Variants in RSRP1 observed in about 807,000 individuals in gnomAD.
The protein encoded by RSRP1 is arginine/serine-rich protein 1.
In RSRP1, 37 loss-of-function variants were observed where a neutral mutation model predicts 33.0. That is an observed-to-expected ratio of 1.12 (90% CI 0.86 to 1.48). The LOEUF is 1.48. RSRP1 is among the 40% of genes most tolerant of loss of function. RSRP1 has a pLI of 0.00. For synonymous variants in RSRP1, 167 were observed against 158.7 expected (o/e 1.05, Z -0.40); for missense variants, 402 against 385.3 (o/e 1.04, Z -0.36).
At chr1:25,261,608 G>A (rs1304279770) in intron 1 of RSRP1, among the ~76,000 whole-genome samples, 3 of 150,670 alleles carry the variant, frequency 2.0e-5, no homozygotes, top group Admixed American at 6.6e-5. Flanking sequence ...GTTTCACCAT[G>A]TTAGCCAGGA....
intron 1 of RSRP1, among the ~76,000 whole-genome samples, chr1:25,302,546 G>T (rs535234667): frequency 7.7e-6 from 1 of 130,110 alleles, no homozygotes; most frequent in Admixed American, 7.5e-5. Context: ...GGGAAGCCCA[G>T]AGGCTAATCC....
In RSRP1 at chr1:25,277,449, C is replaced by G. The variant is rs1377161878; in HGVS notation, c.-66-30420G>C. ...AGCTCTGGGCCTGGGGCCCAGCAGT[C>G]TGTGTTTTCACAAGCCCTCTTGGTG... On this transcript the variant is annotated intron_variant, in intron 1 of 1. Transcript: ENST00000561867. Among the ~76,000 whole-genome samples, 4 of 133,448 alleles carry G rather than the reference C, an allele frequency of 3.0e-5. No homozygotes were observed. In the East Asian group the frequency reaches 7.8e-4, roughly 26 times the overall value. 87.5% of individuals were successfully genotyped at this position (133,448 alleles called of 152,430 possible).
intron 1 of RSRP1, among the ~76,000 whole-genome samples, chr1:25,262,479 A>G (rs1640189490): frequency 6.6e-6 from 1 of 152,224 alleles, no homozygotes; most frequent in African/African-American, 2.4e-5. Context: ...TTCGCCAAAG[A>G]GACACAGCCA....
chr1:25,329,237 G>GGTTTTT, intron 1 of RSRP1: 1 of 232,394 alleles, frequency 4.3e-6, no homozygotes, highest in South Asian at 3.1e-5. Context: ...ATTATTCCTT[G>GGTTTTT]TTTTTTTTTT....
chr1:25,250,129 A>T (rs374871834), upstream of RSRP1, among the ~76,000 whole-genome samples: 16 of 152,324 alleles, frequency 1.1e-4, no homozygotes, highest in Admixed American at 2.6e-4. Context: ...AGAATAGGCA[A>T]AAAGTTAAAA....
chr1:25,244,779 G>A (rs994192939), intron 3 of RSRP1: 66 of 1,012,124 alleles, frequency 6.5e-5, no homozygotes, highest in Middle Eastern at 8.8e-4. Context: ...TAGCATCCTA[G>A]GCTCAAAGAT....
rs550148687 is a variant in RSRP1 at position 25,283,143 on chromosome 1, T to C, written c.-66-36114A>G. On this transcript the variant is annotated intron_variant, in intron 1 of 1. Coordinates refer to the RSRP1 transcript ENST00000561867. The stretch of plus-strand genomic sequence containing the variant: ...CTGGCAACCTAATGAAGGAGTATGA[T>C]CATTTCCCCTATTTAACAGACAAGA... Among the ~76,000 whole-genome samples the C allele has an allele frequency of 1.3e-3, 168 of 132,256 alleles. 26 individuals are homozygous for C. The highest frequency in any genetic ancestry group is 4.1e-3 in the African/African-American group (159 of 38,840). 86.8% of individuals were successfully genotyped at this position (132,256 alleles called of 152,430 possible). A position where few individuals can be genotyped will look rare whatever the true frequency, so the allele number is the denominator to read the frequency against.
At position 25,333,829 on chromosome 1, in the gene RSRP1, G is replaced by C. The variant is rs1645046598; in HGVS notation, c.-67+4149C>G. 1.5e-5 allele frequency among the ~76,000 whole-genome samples: 2 copies of C among 130,388 alleles called. 1 individual carries two copies. Among genetic ancestry groups the C allele is most frequent in the Non-Finnish European group, 3.6e-5 (2 of 55,346 alleles). The allele number at this position is 130,388 out of a possible 152,430, so 85.5% of individuals were successfully genotyped here. Reference sequence around the variant, plus strand: ...TTGTGCAGAGAAACTCCCCCTTATAGAGCCATCAGATCCTGTTAGACTTAT... The same window carrying C: ...TTGTGCAGAGAAACTCCCCCTTATACAGCCATCAGATCCTGTTAGACTTAT... On this transcript the variant is annotated intron_variant, in intron 1 of 1. Coordinates refer to the RSRP1 transcript ENST00000561867.
chr1:25,281,778 C>A (rs187125074), intron 1 of RSRP1, among the ~76,000 whole-genome samples: 3 of 132,344 alleles, frequency 2.3e-5, no homozygotes, highest in African/African-American at 7.7e-5. Context: ...CGCCCCAAAT[C>A]CCCAGGTCCC....
At position 25,246,595 on chromosome 1, in the gene RSRP1, T is replaced by C; in HGVS notation, c.369A>G (p.Gly123=). 1.9e-6 allele frequency: 3 copies of C among 1,613,996 alleles called. No individual in the cohort carries two copies. Among genetic ancestry groups the C allele is most frequent in the Non-Finnish European group, 2.5e-6 (3 of 1,180,012 alleles). ...SRSRSRSRSR[G]RSYCGRAYAI... ...CGTACGCCCTTCCGCAGTACGACCT[T>C]CCCCGAGAGCGCGACCTGCTACGGG... Residue 123 remains glycine, a synonymous_variant, in exon 2 of 5, where the codon GGA becomes GGG. Coordinates refer to ENST00000243189, the MANE Select transcript of RSRP1 (RefSeq NM_020317.5).
chr1:25,298,048 C>T lies in RSRP1; in HGVS notation c.-67+39930G>A, dbSNP rs374709905. On this transcript the variant is annotated intron_variant, in intron 1 of 1. Coordinates refer to the RSRP1 transcript ENST00000561867. Reference sequence around the variant, plus strand: ...GTCCCCTCCACCCACCCATCCACCTCCACTTGTTCCTGCATTTCTATGTCC... The same window carrying T: ...GTCCCCTCCACCCACCCATCCACCTTCACTTGTTCCTGCATTTCTATGTCC... Among the ~76,000 whole-genome samples, 3 of 123,744 alleles carry T rather than the reference C, an allele frequency of 2.4e-5. 1 individual carries two copies. The highest frequency in any genetic ancestry group is 8.2e-5 in the African/African-American group (3 of 36,700). The allele number at this position is 123,744 out of a possible 152,430, so 81.2% of individuals were successfully genotyped here.
chr1:25,289,250 A>G (rs1571621702), intron 1 of RSRP1, among the ~76,000 whole-genome samples: 2 of 132,722 alleles, frequency 1.5e-5, no homozygotes. Flanking sequence ...GCTGGAGTGC[A>G]GTGGTGCAGT....
At chr1:25,290,557 ATG>A (rs1642402321) in intron 1 of RSRP1, 5 of 932,770 alleles carry the variant, frequency 5.4e-6, no homozygotes, top group Non-Finnish European at 6.7e-6. Context: ...TGTTGAAAGA[ATG>A]AATGAATGAA....
chr1:25,267,707 C>G (rs145726224), intron 1 of RSRP1: 7,224 of 132,354 alleles, frequency 0.055, 1,430 homozygotes, highest in African/African-American at 0.18. Flanking sequence ...GAGGGCTGCG[C>G]GGCCGACCCC....
chr1:25,247,602 G>T (rs6681356), upstream of RSRP1: 12,290 of 152,312 alleles, frequency 0.081, 1,675 homozygotes, highest in African/African-American at 0.28. Flanking sequence ...TGCCTCGAGC[G>T]CTTGCCTCCA....
At chr1:25,264,391 G>A (rs1258851019) in intron 1 of RSRP1, among the ~76,000 whole-genome samples, 1 of 151,604 alleles carries the variant, frequency 6.6e-6, no homozygotes, top group Non-Finnish European at 1.5e-5. Context: ...TGACTTCTGT[G>A]CACTCGCAGT....
chr1:25,286,039 C>G (rs1428420276), intron 1 of RSRP1, among the ~76,000 whole-genome samples: 12 of 135,356 alleles, frequency 8.9e-5, no homozygotes, highest in Non-Finnish European at 1.9e-4. Context: ...GAGGGCAAGG[C>G]ACTTGCCTAG....
rs140538255 is a variant in RSRP1 at position 25,315,874 on chromosome 1, C to G, written c.-67+22104G>C. ...TATGATCTTATGAGGTAGGGACTGTCATTATTTCTCCCACTTTATAATGAA... is the reference window on the plus strand; with the variant it reads ...TATGATCTTATGAGGTAGGGACTGTGATTATTTCTCCCACTTTATAATGAA... On this transcript the variant is annotated intron_variant, in intron 1 of 1. Coordinates refer to the RSRP1 transcript ENST00000561867. Among the ~76,000 whole-genome samples, 30 of 131,318 alleles carry G rather than the reference C, an allele frequency of 2.3e-4. 3 individuals carry two copies. Among genetic ancestry groups the G allele is most frequent in the South Asian group, 4.7e-4 (2 of 4,288 alleles). The allele number at this position is 131,318 out of a possible 152,430, so 86.1% of individuals were successfully genotyped here. A position where few individuals can be genotyped will look rare whatever the true frequency, so the allele number is the denominator to read the frequency against.
chr1:25,255,017 C>T (rs1328149544), intron 1 of RSRP1, among the ~76,000 whole-genome samples: 2 of 152,128 alleles, frequency 1.3e-5, no homozygotes, highest in South Asian at 2.1e-4. Flanking sequence ...TTGCTCACTA[C>T]GGTGTTGCTA....
Sources: gnomAD v4.1 joint callset for allele counts (sites outside exome capture counted in the v4.1 genomes callset) on GRCh38, gnomAD v4.1.1 for gene constraint, MANE v1.5 for transcripts, NCBI Gene and HGNC (gene_info 2026-07-23, HGNC 2026-07-21) for gene names.